The following NUP188 variants were observed in gnomAD, a reference collection of about 807,000 sequenced individuals.
NUP188 encodes nucleoporin 188, also known as nucleoporin NUP188.
In NUP188, 97 loss-of-function variants were observed where a neutral mutation model predicts 223.0. The ratio of observed to expected loss-of-function variants is 0.43; its 90% CI spans 0.37 to 0.51. NUP188 has a LOEUF of 0.51. Among genes scored for constraint, NUP188 ranks in the 20% least tolerant of loss-of-function variants. NUP188 has a pLI of 0.00. For missense variants in NUP188, 1,947 were observed against 2,175.6 expected (o/e 0.89, Z 2.09); for synonymous variants, 869 against 828.0 (o/e 1.05, Z -0.85).
intron 8 of NUP188, among the ~76,000 whole-genome samples, chr9:128,960,212 C>T (rs1158723622): frequency 2.7e-5 from 4 of 149,668 alleles, no homozygotes; most frequent in South Asian, 2.1e-4. Context: ...TACAGGTGCC[C>T]GCCACCACGC....
chr9:128,992,721 G>T (rs1842454003), intron 25 of NUP188, among the ~76,000 whole-genome samples: 1 of 152,130 alleles, frequency 6.6e-6, no homozygotes, highest in African/African-American at 2.4e-5. Context: ...ATTACAAGCA[G>T]TGCTGCAGTG....
chr9:128,990,303 G>T, intron 25 of NUP188, 77 bp downstream of exon 25: 1 of 1,150,946 alleles, frequency 8.7e-7, no homozygotes, highest in Non-Finnish European at 1.3e-6. Flanking sequence ...GACATGCTCA[G>T]GCCACGTGCA....
At chr9:128,974,903 C>T (rs941143550) in intron 12 of NUP188, among the ~76,000 whole-genome samples, 10 of 151,838 alleles carry the variant, frequency 6.6e-5, no homozygotes, top group Admixed American at 1.3e-4. Context: ...GGACTACAGG[C>T]GTGTGCCACC....
chr9:128,961,623 T>TAGA (rs61115252), intron 8 of NUP188, among the ~76,000 whole-genome samples: 7 of 45,408 alleles, frequency 1.5e-4, no homozygotes, highest in African/African-American at 8.0e-5. Context: ...GATAGATAGA[T>TAGA]TTTTTTTTTT....
chr9:128,947,953 G>A (rs975305184), intron 1 of NUP188: 5 of 409,874 alleles, frequency 1.2e-5, no homozygotes, highest in East Asian at 1.1e-4. Flanking sequence ...CAGGAGGGGG[G>A]CCGGCTCTTC....
intron 2 of NUP188, among the ~76,000 whole-genome samples, chr9:128,952,072 C>A (rs1841796667): frequency 6.6e-6 from 1 of 152,140 alleles, no homozygotes; most frequent in South Asian, 2.1e-4. Context: ...GGATTACAGG[C>A]CTGAGCCACC....
In NUP188 at chr9:128,961,622, A is replaced by ATAGATAGATAGAT. The variant is rs774001270; in HGVS notation, c.585+2489_585+2490insAGATAGATAGATT. On this transcript the variant is annotated intron_variant, in intron 8 of 43. Transcript: ENST00000372577. ...GATAGATAGATAGATAGATAGATAG[A>ATAGATAGATAGAT]TTTTTTTTTTTTTTTTGAGACGGAG... Among the ~76,000 whole-genome samples, 512 of 133,912 alleles carry ATAGATAGATAGAT rather than the reference A, an allele frequency of 3.8e-3. 1 individual carries two copies. The highest frequency in any genetic ancestry group is 0.013 in the African/African-American group (461 of 34,864). 87.9% of individuals were successfully genotyped at this position (133,912 alleles called of 152,430 possible). A position where few individuals can be genotyped will look rare whatever the true frequency, so the allele number is the denominator to read the frequency against.
intron 30 of NUP188, among the ~76,000 whole-genome samples, chr9:128,997,615 A>G (rs1300415785): frequency 1.8e-4 from 28 of 151,784 alleles, no homozygotes; most frequent in Admixed American, 1.8e-3. Flanking sequence ...TCAGCCTCCC[A>G]AGTAACTAGG....
Position 128,985,184 on chromosome 9 carries a change from T to C in NUP188, c.2076+170T>C, listed in dbSNP as rs563691561. Reference sequence around the variant, plus strand: ...GTTTCTATGTATTGAGTACCTAGTATGTGCCAGTTATGTACTCTATTAGGT... The same window carrying C: ...GTTTCTATGTATTGAGTACCTAGTACGTGCCAGTTATGTACTCTATTAGGT... On this transcript the variant is annotated intron_variant, in intron 20 of 43. Transcript: ENST00000372577. The C allele has an allele frequency of 1.1e-5, 6 of 560,536 alleles. No individual in the cohort carries two copies. The East Asian group carries it at 1.8e-4, about 17-fold the overall frequency. The allele number at this position is 560,536 out of a possible 1,614,324, so 34.7% of individuals were successfully genotyped here. A position where few individuals can be genotyped will look rare whatever the true frequency, so the allele number is the denominator to read the frequency against.
At position 128,950,208 on chromosome 9, in the gene NUP188, C is replaced by T. The variant is rs1841762418; in HGVS notation, c.87+965C>T. Among the ~76,000 whole-genome samples, 4 of 152,098 alleles carry T rather than the reference C, an allele frequency of 2.6e-5. No individual in the cohort carries two copies. In the South Asian group the frequency reaches 8.3e-4, roughly 31 times the overall value. ...AAAGTGCTGGGATTACAGGCATGAG[C>T]CACCACACCCGGCTACGTTTTTTTG... On this transcript the variant is annotated intron_variant, in intron 2 of 43. Transcript: ENST00000372577.
chr9:128,983,454 C>T lies in NUP188; in HGVS notation c.1885-20C>T, dbSNP rs750377990. 6.2e-6 allele frequency: 10 copies of T among 1,613,478 alleles called. 1 individual carries two copies. In the South Asian group the frequency reaches 8.8e-5, roughly 14 times the overall value. On this transcript the variant is annotated intron_variant, in intron 18 of 43. Transcript: ENST00000372577. ...TACCTGAAGATATGTGGGCATTTAA[C>T]TCTTCCTTTTCCTTCTCAGGTCTGG...
chr9:129,005,823 C>A (rs17481372), intron 41 of NUP188, 47 bp downstream of exon 41: 2 of 1,548,068 alleles, frequency 1.3e-6, no homozygotes, highest in East Asian at 2.3e-5. Context: ...GGCTCCTCCC[C>A]CTGCCTGCCA....
At position 128,958,886 on chromosome 9, in the gene NUP188, C is replaced by T. The variant is rs1841906351; in HGVS notation, c.457C>T (p.Pro153Ser). 6.3e-7 allele frequency: 1 copy of T among 1,590,078 alleles called. No homozygotes were observed. Among genetic ancestry groups the T allele is most frequent in the Non-Finnish European group, 8.6e-7 (1 of 1,163,558 alleles). Residue 153 changes from proline (P) to serine (S), a missense_variant, in exon 7 of 44, where the codon CCC becomes TCC. Transcript: ENST00000372577. ...LLTYFQDERH[P>S]YRVEYADCVD... ...CACTTACTTCCAAGATGAAAGACAC[C>T]CCTATAGGGTAAGCTTGTTTAGTCC...
At chr9:128,955,766 C>T (rs1403077684) in intron 3 of NUP188, among the ~76,000 whole-genome samples, 1 of 151,916 alleles carries the variant, frequency 6.6e-6, no homozygotes, top group Non-Finnish European at 1.5e-5. Flanking sequence ...ACTCTAGAAT[C>T]AACCAATTCT....
At chr9:128,982,070 T>TC (rs1842262328) in intron 15 of NUP188, among the ~76,000 whole-genome samples, 2 of 139,910 alleles carry the variant, frequency 1.4e-5, no homozygotes, top group South Asian at 4.6e-4. Flanking sequence ...AGAGCAAAAC[T>TC]CCATCTCAAA....
Position 129,006,964 on chromosome 9 carries a change from G to C in NUP188, c.*286G>C. 5.9e-6 allele frequency: 2 copies of C among 341,344 alleles called. No individual in the cohort carries two copies. Among genetic ancestry groups the C allele is most frequent in the Non-Finnish European group, 1.1e-5 (2 of 187,950 alleles). 21.1% of individuals were successfully genotyped at this position (341,344 alleles called of 1,614,324 possible). Reference sequence around the variant, plus strand: ...TTCCAGCATTCCCCACAGCACTGCCGGCCAGGGGAGAGGCGGCAGCCCAGC... The same window carrying C: ...TTCCAGCATTCCCCACAGCACTGCCCGCCAGGGGAGAGGCGGCAGCCCAGC... On this transcript the variant is annotated 3_prime_UTR_variant, in exon 44 of 44. Transcript: ENST00000372577.
In NUP188 at chr9:128,983,015, A is replaced by C; in HGVS notation, c.1783A>C (p.Met595Leu). The C allele has an allele frequency of 6.2e-7, 1 of 1,614,098 alleles. No individual in the cohort carries two copies. Residue 595 changes from methionine to leucine, a missense_variant, in exon 17 of 44, where the codon ATG becomes CTG. Met to Leu is a conservative substitution (Grantham distance 15). Around this residue, in one of 3 missense-constraint regions of NUP188, gnomAD observed 817 missense variants for 865.8 expected, o/e 0.94. Transcript: ENST00000372577. ...CLLPITSRIY[M>L]LLQRLTTVIS... Reference sequence around the variant, plus strand: ...CCTGCCCATCACATCTCGCATCTACATGCTGCTGCAGCGGTGAGTCTGTCT... The same window carrying C: ...CCTGCCCATCACATCTCGCATCTACCTGCTGCTGCAGCGGTGAGTCTGTCT...
intron 12 of NUP188, among the ~76,000 whole-genome samples, chr9:128,973,655 T>A (rs1842133267): frequency 6.6e-6 from 1 of 152,212 alleles, no homozygotes; most frequent in African/African-American, 2.4e-5. Context: ...AGTGCTGGGA[T>A]AACAGGCATG....
At chr9:128,988,476 G>A (rs564806678) in intron 24 of NUP188, among the ~76,000 whole-genome samples, 9 of 152,284 alleles carry the variant, frequency 5.9e-5, no homozygotes, top group African/African-American at 1.4e-4. Flanking sequence ...CCTTGGGTAC[G>A]TTATTAAACA....
Sources: gnomAD v4.1 joint callset for allele counts (sites outside exome capture counted in the v4.1 genomes callset) on GRCh38, gnomAD v4.1.1 for gene constraint, gnomAD v4.1.1 regional missense constraint, MANE v1.5 for transcripts, NCBI Gene and HGNC (gene_info 2026-07-23, HGNC 2026-07-21) for gene names.